KCNB2: variants seen among roughly 807,000 people sequenced by gnomAD.
The protein encoded by KCNB2 is delayed rectifier potassium channel protein.
KCNB2 carries 15 observed loss-of-function variants against 61.5 expected under a neutral mutation model. The observed-to-expected ratio is 0.24, with a 90% CI of 0.16 to 0.38. The LOEUF is 0.38. KCNB2 is among the 10% of genes least tolerant of loss of function. The pLI is 1.00. For synonymous variants in KCNB2, 457 were observed against 446.0 expected, an observed-to-expected ratio of 1.02 and a Z score of -0.31; for missense variants, 828 against 1,125.2, an observed-to-expected ratio of 0.74 and a Z score of 3.78.
chr8:72,891,362 C>T (rs948056805), intron 2 of KCNB2, among the ~76,000 whole-genome samples: 9 of 152,140 alleles, frequency 5.9e-5, no homozygotes, highest in Admixed American at 5.9e-4. Flanking sequence ...GGATGCGTTC[C>T]ATAAAGCTCC....
chr8:72,795,730 T>C (rs1379084586), intron 2 of KCNB2, among the ~76,000 whole-genome samples: 7 of 152,204 alleles, frequency 4.6e-5, no homozygotes, highest in African/African-American at 1.7e-4. Flanking sequence ...TGAGACATTG[T>C]AAAATTCCTG....
chr8:72,592,758 G>T (rs368480041), intron 2 of KCNB2, among the ~76,000 whole-genome samples: 20 of 152,194 alleles, frequency 1.3e-4, no homozygotes, highest in Non-Finnish European at 2.1e-4. Context: ...CACCCTGAAG[G>T]TCCATGCTAG....
intron 2 of KCNB2, among the ~76,000 whole-genome samples, chr8:72,686,424 T>A (rs1204375511): frequency 6.6e-6 from 1 of 152,156 alleles, no homozygotes; most frequent in Non-Finnish European, 1.5e-5. Context: ...CATAGCTTAC[T>A]GGCCCCTCTG....
intron 2 of KCNB2, among the ~76,000 whole-genome samples, chr8:72,786,318 A>G (rs1808845279): frequency 6.6e-6 from 1 of 152,186 alleles, no homozygotes; most frequent in African/African-American, 2.4e-5. Context: ...CCACAATCTT[A>G]GCATGAGCAA....
chr8:72,823,541 T>A (rs901368479), intron 2 of KCNB2, among the ~76,000 whole-genome samples: 2 of 152,170 alleles, frequency 1.3e-5, no homozygotes, highest in Non-Finnish European at 2.9e-5. Context: ...AAGCTCCTTG[T>A]CAAATGCAAG....
intron 2 of KCNB2, among the ~76,000 whole-genome samples, chr8:72,812,154 C>G (rs1032290527): frequency 2.6e-4 from 39 of 152,102 alleles, no homozygotes; most frequent in Admixed American, 2.5e-3. Context: ...CCCAGCTACT[C>G]GCGAGGCTGA....
intron 2 of KCNB2, among the ~76,000 whole-genome samples, chr8:72,872,599 C>T (rs912063117): frequency 1.3e-5 from 2 of 152,158 alleles, no homozygotes; most frequent in Non-Finnish European, 2.9e-5. Flanking sequence ...CTAAAAATCA[C>T]CAGTGAATTG....
At chr8:72,806,818 A>T (rs1033039974) in intron 2 of KCNB2, among the ~76,000 whole-genome samples, 1 of 152,220 alleles carries the variant, frequency 6.6e-6, no homozygotes, top group Non-Finnish European at 1.5e-5. Flanking sequence ...AGAACAGACA[A>T]TAAACAGAGA....
At chr8:72,668,889 T>C (rs1376843630) in intron 2 of KCNB2, among the ~76,000 whole-genome samples, 1 of 152,158 alleles carries the variant, frequency 6.6e-6, no homozygotes, top group Non-Finnish European at 1.5e-5. Context: ...TGTCGAATGA[T>C]GGAAGCTGTT....
chr8:72,903,461 G>A (rs1381703632), intron 2 of KCNB2, among the ~76,000 whole-genome samples: 2 of 152,144 alleles, frequency 1.3e-5, no homozygotes, highest in East Asian at 3.9e-4. Flanking sequence ...CATGCCTGTA[G>A]TTCTAGCTAC....
intron 2 of KCNB2, among the ~76,000 whole-genome samples, chr8:72,923,508 C>T (rs1021917223): frequency 2.6e-5 from 4 of 152,062 alleles, no homozygotes; most frequent in Admixed American, 2.6e-4. Flanking sequence ...GGTCAGCTGT[C>T]CCTGAATTCC....
rs180950366 is a variant in KCNB2, at chr8:72,638,629, A to G, written c.579+70316A>G. ...CCATCTAATTTCTGCCTCTGAAACA[A>G]AAATCACACAAGCCGGCAGTGTCCC... On this transcript the variant is annotated intron_variant, in intron 2 of 2. Coordinates refer to ENST00000523207, the MANE Select transcript of KCNB2 (RefSeq NM_004770.3). 4.7e-3 allele frequency among the ~76,000 whole-genome samples: 714 copies of G among 152,258 alleles called. 5 individuals are homozygous for G. The highest frequency in any genetic ancestry group is 7.1e-3 in the Non-Finnish European group (486 of 68,006).
chr8:72,811,784 A>G lies in KCNB2; in HGVS notation c.580-124151A>G, dbSNP rs1809309876. On this transcript the variant is annotated intron_variant, in intron 2 of 2. Transcript: ENST00000523207. ...CAAGGGAGGGACAAAGGGAACAGGA[A>G]TTAATGCTGAACAGGGTGGCCAAAT... Among the ~76,000 whole-genome samples the G allele has an allele frequency of 2.6e-5, 4 of 152,236 alleles. No individual in the cohort carries two copies. The South Asian group carries it at 8.3e-4, about 32-fold the overall frequency.
At chr8:72,753,341 C>G (rs1390208432) in intron 2 of KCNB2, among the ~76,000 whole-genome samples, 1 of 152,126 alleles carries the variant, frequency 6.6e-6, no homozygotes, top group East Asian at 1.9e-4. Flanking sequence ...TTAGCAACAT[C>G]AGTTTTATAA....
At chr8:72,914,145 C>T (rs1212949901) in intron 2 of KCNB2, among the ~76,000 whole-genome samples, 2 of 152,172 alleles carry the variant, frequency 1.3e-5, no homozygotes. Context: ...CTCACTGTGT[C>T]CTCACATGTG....
Position 72,821,263 on chromosome 8 carries a change from A to T in KCNB2, c.580-114672A>T, listed in dbSNP as rs564722931. Among the ~76,000 whole-genome samples the T allele has an allele frequency of 3.9e-5, 6 of 152,244 alleles. No homozygotes were observed. In the South Asian group the frequency reaches 1.2e-3, roughly 32 times the overall value. On this transcript the variant is annotated intron_variant, in intron 2 of 2. Coordinates refer to ENST00000523207, the MANE Select transcript of KCNB2 (RefSeq NM_004770.3). The stretch of plus-strand genomic sequence containing the variant: ...CAGGGGAGTCTGATCTGCTTTTTAA[A>T]ACTGTTAAATATATAGTGTTTATTA...
intron 2 of KCNB2, among the ~76,000 whole-genome samples, chr8:72,853,044 A>G (rs1019889635): frequency 2.0e-5 from 3 of 152,224 alleles, no homozygotes; most frequent in Non-Finnish European, 4.4e-5. Context: ...TGAAAAGAGC[A>G]CTAGATTTGC....
chr8:72,901,233 T>C (rs923192157), intron 2 of KCNB2, among the ~76,000 whole-genome samples: 5 of 152,108 alleles, frequency 3.3e-5, no homozygotes, highest in Non-Finnish European at 1.5e-5. Flanking sequence ...AGGAGATGAC[T>C]CTAACAGTAC....
Position 72,597,001 on chromosome 8 carries a change from C to CTTTTTTTTTTTTTT in KCNB2, c.579+28716_579+28729dup, listed in dbSNP as rs869160203. On this transcript the variant is annotated intron_variant, in intron 2 of 2. Coordinates refer to ENST00000523207, the MANE Select transcript of KCNB2 (RefSeq NM_004770.3). Reference sequence around the variant, plus strand: ...GCATGCTTGCTTGCTTGCTTGCTTGCTTTTTTTTTTTTTTTTTTTTTTTTT... The same window carrying CTTTTTTTTTTTTTT: ...GCATGCTTGCTTGCTTGCTTGCTTGCTTTTTTTTTTTTTTTTTTTTTTTTTTTTTTTTTTTTTTT... 4.2e-4 allele frequency among the ~76,000 whole-genome samples: 27 copies of CTTTTTTTTTTTTTT among 64,656 alleles called. 5 individuals are homozygous for CTTTTTTTTTTTTTT. The highest frequency in any genetic ancestry group is 7.1e-4 in the Admixed American group (4 of 5,604). 42.4% of individuals were successfully genotyped at this position (64,656 alleles called of 152,430 possible).
Sources: gnomAD v4.1 joint callset for allele counts (sites outside exome capture counted in the v4.1 genomes callset) on GRCh38, gnomAD v4.1.1 for gene constraint, MANE v1.5 for transcripts, NCBI Gene and HGNC (gene_info 2026-07-23, HGNC 2026-07-21) for gene names.